DIP2C: variants seen among roughly 807,000 people sequenced by gnomAD.
DIP2C encodes disco-interacting protein 2 homolog C.
DIP2C carries 33 observed loss-of-function variants against 192.4 expected under a neutral mutation model. The observed-to-expected ratio is 0.17, with a 90% CI of 0.13 to 0.23. DIP2C has a LOEUF of 0.23. DIP2C is among the 10% of genes least tolerant of loss of function. The pLI, the probability that DIP2C is intolerant of heterozygous loss-of-function variation, is 1.00. For synonymous variants in DIP2C, 979 were observed against 864.1 expected, an observed-to-expected ratio of 1.13 and a Z score of -2.33; for missense variants, 1,537 against 2,110.1, an observed-to-expected ratio of 0.73 and a Z score of 5.32.
chr10:392,098 TCA>T (rs917087263), intron 10 of DIP2C, among the ~76,000 whole-genome samples: 54 of 152,218 alleles, frequency 3.5e-4, no homozygotes, highest in African/African-American at 1.3e-3. Flanking sequence ...GTGGTGCTTT[TCA>T]CACAGATGCT....
chr10:361,607 ACAAT>A (rs988492318), intron 22 of DIP2C, among the ~76,000 whole-genome samples: 1 of 152,200 alleles, frequency 6.6e-6, no homozygotes, highest in African/African-American at 2.4e-5. Context: ...AGAGTGTCTG[ACAAT>A]CAAACAGTGG....
intron 1 of DIP2C, among the ~76,000 whole-genome samples, chr10:591,137 T>G (rs1265685693): frequency 2.0e-5 from 3 of 152,222 alleles, no homozygotes; most frequent in Non-Finnish European, 4.4e-5. Flanking sequence ...GTTTTGTTTT[T>G]TTTAGATGGA....
chr10:339,116 C>G (rs1958019615), intron 29 of DIP2C, among the ~76,000 whole-genome samples: 2 of 152,160 alleles, frequency 1.3e-5, no homozygotes, highest in South Asian at 4.2e-4. Flanking sequence ...CAAATTTACA[C>G]CCCCAGGGCC....
At chr10:617,344 G>T (rs1290498620) in intron 1 of DIP2C, among the ~76,000 whole-genome samples, 1 of 152,156 alleles carries the variant, frequency 6.6e-6, no homozygotes, top group African/African-American at 2.4e-5. Context: ...ACTCAGCTGT[G>T]ATGTGAGCCC....
chr10:411,921 A>G (rs956354742), intron 8 of DIP2C, among the ~76,000 whole-genome samples: 1 of 152,254 alleles, frequency 6.6e-6, no homozygotes, highest in African/African-American at 2.4e-5. Flanking sequence ...TTCCTTTAAC[A>G]AGTAAAAACC....
At chr10:395,995 C>G (rs895523335) in intron 10 of DIP2C, among the ~76,000 whole-genome samples, 2 of 152,136 alleles carry the variant, frequency 1.3e-5, no homozygotes, top group African/African-American at 4.8e-5. Flanking sequence ...GCCCTGTGCA[C>G]AGTGAACGTG....
chr10:441,308 G>A (rs1589803494), intron 3 of DIP2C: 2 of 291,104 alleles, frequency 6.9e-6, no homozygotes, highest in East Asian at 1.6e-4. Context: ...TAGGTCACAC[G>A]TTCGAGCCTC....
intron 1 of DIP2C, among the ~76,000 whole-genome samples, chr10:526,601 G>A (rs1046570950): frequency 7.9e-5 from 12 of 151,796 alleles, no homozygotes; most frequent in African/African-American, 4.8e-5. Flanking sequence ...TACTAGAGAC[G>A]ACCTTGTGGT....
intron 19 of DIP2C, 120 bp from the exon 20 acceptor site, chr10:364,702 C>G: frequency 1.7e-6 from 2 of 1,159,204 alleles, no homozygotes; most frequent in South Asian, 1.5e-5. Flanking sequence ...CCCCAGCAAC[C>G]CTGCCCTAGG....
chr10:592,515 TAAAG>T (rs1422702309), intron 1 of DIP2C, among the ~76,000 whole-genome samples: 2 of 152,156 alleles, frequency 1.3e-5, no homozygotes, highest in East Asian at 3.8e-4. Context: ...CCAACTAGCA[TAAAG>T]AAAATATTTT....
chr10:290,294 C>A (rs540865531), intron 32 of DIP2C, among the ~76,000 whole-genome samples: 1 of 152,328 alleles, frequency 6.6e-6, no homozygotes, highest in East Asian at 1.9e-4. Context: ...GGCTTGATGA[C>A]GCTAACCTCC....
At chr10:367,932 C>T (rs1240860336) in intron 18 of DIP2C, among the ~76,000 whole-genome samples, 5 of 150,258 alleles carry the variant, frequency 3.3e-5, no homozygotes, top group Non-Finnish European at 5.9e-5. Context: ...CCGGGAAGCC[C>T]GCGGTTGCTC....
intron 31 of DIP2C, among the ~76,000 whole-genome samples, chr10:311,963 G>A (rs1343064498): frequency 1.3e-5 from 2 of 152,114 alleles, no homozygotes; most frequent in Non-Finnish European, 2.9e-5. Context: ...TGCTAAATCT[G>A]TTGAGGTAGT....
intron 3 of DIP2C, among the ~76,000 whole-genome samples, chr10:467,206 A>T (rs1466414326): frequency 2.0e-5 from 3 of 152,226 alleles, no homozygotes; most frequent in Non-Finnish European, 4.4e-5. Flanking sequence ...TGCAGCCATA[A>T]AATGATGAGT....
intron 10 of DIP2C, among the ~76,000 whole-genome samples, chr10:391,451 C>T (rs1279692774): frequency 1.3e-5 from 2 of 152,208 alleles, no homozygotes; most frequent in Non-Finnish European, 2.9e-5. Flanking sequence ...TGTGCAGCCC[C>T]ACTGGAGACA....
intron 1 of DIP2C, among the ~76,000 whole-genome samples, chr10:565,186 C>T (rs934148612): frequency 3.3e-5 from 5 of 152,090 alleles, no homozygotes; most frequent in Non-Finnish European, 7.4e-5. Context: ...GAGAACACGT[C>T]CATTCCATCA....
intron 1 of DIP2C, among the ~76,000 whole-genome samples, chr10:545,261 G>A (rs968879128): frequency 2.9e-5 from 4 of 139,000 alleles, no homozygotes; most frequent in African/African-American, 1.1e-4. Flanking sequence ...CCGCCTCCCA[G>A]GTTCAAGCAA....
chr10:567,959 G>GC (rs1202637965), intron 1 of DIP2C, among the ~76,000 whole-genome samples: 1 of 152,170 alleles, frequency 6.6e-6, no homozygotes, highest in African/African-American at 2.4e-5. Context: ...CTGAGGGGAG[G>GC]CTCCCATCCC....
chr10:542,882 T>A (rs538767153), intron 1 of DIP2C, among the ~76,000 whole-genome samples: 3 of 152,064 alleles, frequency 2.0e-5, no homozygotes, highest in Non-Finnish European at 4.4e-5. Context: ...TCTTACGGGA[T>A]TGGGGAGTGG....
Sources: allele counts gnomAD v4.1 joint callset (sites outside exome capture counted in the v4.1 genomes callset), GRCh38; gene constraint gnomAD v4.1.1; transcripts MANE v1.5; gene names NCBI Gene and HGNC (gene_info 2026-07-23, HGNC 2026-07-21).